The following CACNA1C variants were observed in gnomAD, a reference collection of about 807,000 sequenced individuals.
CACNA1C encodes voltage-dependent L-type calcium channel subunit alpha-1C.
A neutral mutation model predicts 229.0 loss-of-function variants in CACNA1C; 30 were observed. The ratio of observed to expected loss-of-function variants is 0.13; its 90% confidence interval spans 0.10 to 0.18. The LOEUF is 0.18. Among genes scored for constraint, CACNA1C ranks in the 10% least tolerant of loss-of-function variants. CACNA1C has a pLI of 1.00. For synonymous variants in CACNA1C, 1,114 were observed against 1,132.5 expected (o/e 0.98, Z 0.33); for missense variants, 1,658 against 2,845.0 (o/e 0.58, Z 9.49).
intron 15 of CACNA1C, among the ~76,000 whole-genome samples, 157 bp from the exon 16 acceptor site, chr12:2,584,346 G>A (rs997433411): frequency 6.6e-6 from 1 of 152,096 alleles, no homozygotes; most frequent in Non-Finnish European, 1.5e-5. Context: ...GAAGGGGAGG[G>A]GAGGAACACT....
rs1364826807 is a variant in CACNA1C at position 2,511,469 on chromosome 12, C to A, written c.1218-1343C>A. Among the ~76,000 whole-genome samples, 11 of 152,178 alleles carry A rather than the reference C, an allele frequency of 7.2e-5. 1 individual carries two copies. Among genetic ancestry groups the A allele is most frequent in the Non-Finnish European group, 1.5e-4 (10 of 68,026 alleles). ...TAGAGTGTGGCTTCAGCAAAAAATT[C>A]TCCAAGGTGCTTCCAGCAGCCTCGT... On this transcript the variant is annotated intron_variant, in intron 8 of 46. Coordinates refer to ENST00000399655, the MANE Select transcript of CACNA1C (RefSeq NM_000719.7).
intron 8 of CACNA1C, among the ~76,000 whole-genome samples, chr12:2,510,801 G>C (rs1235762539): frequency 6.6e-6 from 1 of 152,246 alleles, no homozygotes; most frequent in Non-Finnish European, 1.5e-5. Flanking sequence ...TAGACAGAAA[G>C]ACAGTCAAGA....
At chr12:2,073,631 A>G (rs1235695093) in intron 1 of CACNA1C, among the ~76,000 whole-genome samples, 2 of 152,194 alleles carry the variant, frequency 1.3e-5, no homozygotes, top group Non-Finnish European at 2.9e-5. Context: ...GGAATCAACT[A>G]TTTACATTTT....
intron 1 of CACNA1C, among the ~76,000 whole-genome samples, chr12:2,099,220 A>G (rs1470862302): frequency 6.6e-6 from 1 of 152,236 alleles, no homozygotes; most frequent in African/African-American, 2.4e-5. Flanking sequence ...AGAAAAAGGA[A>G]AGGATCTTGC....
intron 3 of CACNA1C, among the ~76,000 whole-genome samples, chr12:2,294,133 A>G (rs2093782063): frequency 4.6e-5 from 7 of 152,204 alleles, no homozygotes; most frequent in Admixed American, 4.6e-4. Flanking sequence ...TGAAATATCG[A>G]TTGGTAATAT....
chr12:2,192,383 C>G (rs2097266124), intron 3 of CACNA1C, among the ~76,000 whole-genome samples: 1 of 152,196 alleles, frequency 6.6e-6, no homozygotes, highest in Non-Finnish European at 1.5e-5. Flanking sequence ...GTCCCCACCC[C>G]TGAGCTCAGC....
chr12:2,558,555 T>G (rs750176382), intron 11 of CACNA1C, among the ~76,000 whole-genome samples: 17 of 152,220 alleles, frequency 1.1e-4, no homozygotes, highest in Non-Finnish European at 2.2e-4. Context: ...ACAGGCTCAT[T>G]GGCCTACCGG....
chr12:2,238,673 A>G (rs2068503189), intron 3 of CACNA1C, among the ~76,000 whole-genome samples: 1 of 152,322 alleles, frequency 6.6e-6, no homozygotes. Context: ...AACCTGGATG[A>G]TGTGGTTCTT....
rs776681758 is a variant in CACNA1C at position 2,682,694 on chromosome 12, C to T, written c.5573+16C>T. On this transcript the variant is annotated intron_variant, in intron 43 of 46. Transcript: ENST00000399655. ...CCACAGAGATGTGAGCTCTGCTGCC[C>T]TCTGCTGAGGCTGACCCAAGTGTGG... is the stretch of plus-strand genomic sequence containing the variant. The T allele has an allele frequency of 1.2e-6, 2 of 1,606,204 alleles. No homozygotes were observed. Among genetic ancestry groups the T allele is most frequent in the Non-Finnish European group, 1.7e-6 (2 of 1,178,272 alleles).
chr12:2,260,020 T>C (rs898521767), intron 3 of CACNA1C, among the ~76,000 whole-genome samples: 1 of 152,198 alleles, frequency 6.6e-6, no homozygotes, highest in Non-Finnish European at 1.5e-5. Flanking sequence ...TCCACCAGAC[T>C]GCACACTGGT....
intron 9 of CACNA1C, among the ~76,000 whole-genome samples, chr12:2,539,276 G>C (rs919992378): frequency 9.7e-4 from 109 of 112,470 alleles, no homozygotes; most frequent in Middle Eastern, 4.2e-3. Flanking sequence ...TGCAGGCAGG[G>C]TTTAAGGACT....
intron 1 of CACNA1C, among the ~76,000 whole-genome samples, chr12:2,079,464 C>G (rs962154330): frequency 4.6e-4 from 70 of 152,076 alleles, no homozygotes; most frequent in African/African-American, 1.5e-3. Context: ...GGATGACTGC[C>G]TTCTCATTGT....
intron 3 of CACNA1C, among the ~76,000 whole-genome samples, chr12:2,331,412 C>T (rs2154514509): frequency 6.6e-6 from 1 of 152,280 alleles, no homozygotes; most frequent in East Asian, 1.9e-4. Context: ...GAATCAAAGG[C>T]AAAGTCAGCA....
chr12:2,240,753 C>T (rs560422867), intron 3 of CACNA1C, among the ~76,000 whole-genome samples: 8 of 152,190 alleles, frequency 5.3e-5, no homozygotes, highest in South Asian at 2.1e-4. Flanking sequence ...GGTGGGCACG[C>T]GTGGCCTCCT....
chr12:2,142,125 T>C (rs901389223), intron 3 of CACNA1C, among the ~76,000 whole-genome samples: 1 of 151,170 alleles, frequency 6.6e-6, no homozygotes, highest in Non-Finnish European at 1.5e-5. Flanking sequence ...CTAATGCTTA[T>C]GAGTGCCGCA....
rs139400494 is a variant in CACNA1C at position 2,426,000 on chromosome 12, C to T, written c.478-22976C>T. Among the ~76,000 whole-genome samples, 17 of 152,250 alleles carry T rather than the reference C, an allele frequency of 1.1e-4. No individual in the cohort carries two copies. In the East Asian group the frequency reaches 2.9e-3, roughly 26 times the overall value. ...TGGGGGAACAGATGACTATGTTCCTCATATTCTCGAAGGCATTTGTGGTGG... is the reference window on the plus strand; with the variant it reads ...TGGGGGAACAGATGACTATGTTCCTTATATTCTCGAAGGCATTTGTGGTGG... On this transcript the variant is annotated intron_variant, in intron 3 of 46. Transcript: ENST00000399655.
chr12:2,677,674 G>C lies in CACNA1C; in HGVS notation c.4957-59G>C. ...CAGGTCTTGGCCCGAGGCTGTGGCT[G>C]GCTGGGGAGCTTGGAGGAAAGGGAG... On this transcript the variant is annotated intron_variant, in intron 40 of 46. Coordinates refer to ENST00000399655, the MANE Select transcript of CACNA1C (RefSeq NM_000719.7). This position sits in a 1 kb window ranked among gnomAD's most constrained non-coding sequence, Gnocchi z 7.4. 6.4e-7 allele frequency: 1 copy of C among 1,569,658 alleles called. No homozygotes were observed. Among genetic ancestry groups the C allele is most frequent in the Non-Finnish European group, 8.6e-7 (1 of 1,157,732 alleles).
At position 2,454,800 on chromosome 12, in the gene CACNA1C, G is replaced by A. The variant is rs191953046; in HGVS notation, c.618-2767G>A. ...CCGTGCCTCTCTCGTCACACTTCCCGTCTCCTTCCCCTTTCACGTTTTCAG... is the reference window on the plus strand; with the variant it reads ...CCGTGCCTCTCTCGTCACACTTCCCATCTCCTTCCCCTTTCACGTTTTCAG... On this transcript the variant is annotated intron_variant, in intron 4 of 46. Transcript: ENST00000399655. Among the ~76,000 whole-genome samples the A allele has an allele frequency of 2.2e-4, 34 of 152,170 alleles. No individual in the cohort carries two copies. In the East Asian group the frequency reaches 2.5e-3, roughly 11 times the overall value.
intron 3 of CACNA1C, among the ~76,000 whole-genome samples, chr12:2,252,492 G>A (rs888268633): frequency 1.3e-5 from 2 of 152,160 alleles, no homozygotes; most frequent in Admixed American, 6.5e-5. Flanking sequence ...AGCAGCAACC[G>A]TGCAGCTGAG....
Sources: gnomAD v4.1 joint callset for allele counts (sites outside exome capture counted in the v4.1 genomes callset) on GRCh38, gnomAD v4.1.1 for gene constraint, Gnocchi (gnomAD v3.1) non-coding constraint, MANE v1.5 for transcripts, NCBI Gene and HGNC (gene_info 2026-07-23, HGNC 2026-07-21) for gene names.